SPON1: variants seen among roughly 807,000 people sequenced by gnomAD.
SPON1 encodes spondin-1.
A neutral mutation model predicts 111.7 loss-of-function variants in SPON1; 52 were observed. That is an observed-to-expected ratio of 0.47 (90% confidence interval 0.37 to 0.59). SPON1 has a LOEUF of 0.59. Ranked by LOEUF, SPON1 falls within the 20% of genes least tolerant of loss-of-function variation. SPON1 has a pLI of 0.00. For missense variants in SPON1, 957 were observed against 1,068.5 expected, an observed-to-expected ratio of 0.90 and a Z score of 1.46; for synonymous variants, 410 against 395.8, an observed-to-expected ratio of 1.04 and a Z score of -0.43.
chr11:14,045,592 A>T lies in SPON1; in HGVS notation c.479+3938A>T, dbSNP rs148110743. 4.9e-3 allele frequency among the ~76,000 whole-genome samples: 718 copies of T among 145,880 alleles called. 4 individuals carry two copies. Among genetic ancestry groups the T allele is most frequent in the African/African-American group, 0.013 (546 of 40,652 alleles). Reference sequence around the variant, plus strand: ...GACTCCATCTAAAAAATAATAATAAAAATTTAATTATATATTTAATTTTGT... The same window carrying T: ...GACTCCATCTAAAAAATAATAATAATAATTTAATTATATATTTAATTTTGT... On this transcript the variant is annotated intron_variant, in intron 3 of 15. Transcript: ENST00000576479.
At chr11:14,058,008 C>T (rs1420868769) in intron 3 of SPON1, among the ~76,000 whole-genome samples, 2 of 151,954 alleles carry the variant, frequency 1.3e-5, no homozygotes, top group African/African-American at 2.4e-5. Flanking sequence ...CAGAGTGAGA[C>T]CCTGTCTCAA....
At chr11:13,993,406 A>T (rs1269290427) in intron 2 of SPON1, among the ~76,000 whole-genome samples, 1 of 151,878 alleles carries the variant, frequency 6.6e-6, no homozygotes, top group East Asian at 1.9e-4. Context: ...GAACTCAGGG[A>T]CTCAATTGCC....
intron 6 of SPON1, among the ~76,000 whole-genome samples, chr11:14,164,694 G>C (rs1038602839): frequency 5.3e-5 from 8 of 152,182 alleles, no homozygotes; most frequent in Non-Finnish European, 1.2e-4. Flanking sequence ...TTTATGCAGA[G>C]TTGGCCATGC....
At chr11:14,178,990 A>G (rs1564924938) in intron 6 of SPON1, among the ~76,000 whole-genome samples, 1 of 152,208 alleles carries the variant, frequency 6.6e-6, no homozygotes. Flanking sequence ...TTTTAATTAC[A>G]TCTACAAGAG....
intron 1 of SPON1, among the ~76,000 whole-genome samples, chr11:13,966,032 C>G (rs1848013357): frequency 6.6e-6 from 1 of 152,148 alleles, no homozygotes; most frequent in Non-Finnish European, 1.5e-5. Context: ...TTTAGGTACT[C>G]TAGACCGGAA....
At chr11:14,164,799 G>A (rs1848008974) in intron 6 of SPON1, among the ~76,000 whole-genome samples, 2 of 152,284 alleles carry the variant, frequency 1.3e-5, no homozygotes, top group African/African-American at 4.8e-5. Context: ...GGGGAAGCTA[G>A]TGAGCCAGGA....
chr11:14,195,413 G>A (rs782504639), intron 6 of SPON1, among the ~76,000 whole-genome samples: 14 of 152,276 alleles, frequency 9.2e-5, no homozygotes, highest in Middle Eastern at 6.8e-3. Flanking sequence ...ATTGGAAAAG[G>A]CCTGGAATCA....
chr11:14,057,844 C>CAAAAAAAAAAAA lies in SPON1; in HGVS notation c.479+16194_479+16195insAAAAAAAAAAAA, dbSNP rs1277903384. Among the ~76,000 whole-genome samples, 130 of 125,504 alleles carry CAAAAAAAAAAAA rather than the reference C, an allele frequency of 1.0e-3. 2 individuals carry two copies. Among genetic ancestry groups the CAAAAAAAAAAAA allele is most frequent in the Non-Finnish European group, 1.3e-3 (78 of 59,412 alleles). The allele number at this position is 125,504 out of a possible 152,430, so 82.3% of individuals were successfully genotyped here. A position where few individuals can be genotyped will look rare whatever the true frequency, so the allele number is the denominator to read the frequency against. Reference sequence around the variant, plus strand: ...ACCTTGTCTCTACAAAAAAAAAAAACAAAACAAAAACTTAAAAATAAAATT... The same window carrying CAAAAAAAAAAAA: ...ACCTTGTCTCTACAAAAAAAAAAAACAAAAAAAAAAAAAAAACAAAAACTTAAAAATAAAATT... On this transcript the variant is annotated intron_variant, in intron 3 of 15. Coordinates refer to ENST00000576479, the MANE Select transcript of SPON1 (RefSeq NM_006108.4).
chr11:14,255,840 G>A, intron 9 of SPON1, 53 bp downstream of exon 9: 3 of 1,588,100 alleles, frequency 1.9e-6, no homozygotes, highest in Non-Finnish European at 2.6e-6. Flanking sequence ...GGAGTGCCAG[G>A]GAGATTGTAC....
At chr11:14,016,204 G>A (rs75326029) in intron 2 of SPON1, among the ~76,000 whole-genome samples, 1,661 of 152,316 alleles carry the variant, frequency 0.011, 35 homozygotes, top group African/African-American at 0.038. Flanking sequence ...CTTTCTCAGT[G>A]TTTACTATTT....
chr11:14,058,299 C>T (rs1309446718), intron 3 of SPON1, among the ~76,000 whole-genome samples: 2 of 152,078 alleles, frequency 1.3e-5, no homozygotes, highest in Admixed American at 6.6e-5. Flanking sequence ...CCATACCAGA[C>T]AGCAAGGATA....
At chr11:14,019,169 G>A (rs1261197146) in intron 2 of SPON1, among the ~76,000 whole-genome samples, 1 of 152,050 alleles carries the variant, frequency 6.6e-6, no homozygotes, top group Non-Finnish European at 1.5e-5. Context: ...TGGATGTATG[G>A]AGTCTGAGAC....
At chr11:14,164,601 T>G (rs7939700) in intron 6 of SPON1, among the ~76,000 whole-genome samples, 90,997 of 151,978 alleles carry the variant, frequency 0.6, 27,452 homozygotes, top group Admixed American at 0.66. Flanking sequence ...CCTAACTGGG[T>G]TAACCACCCA....
chr11:14,251,966 T>C (rs1280950887), intron 7 of SPON1, among the ~76,000 whole-genome samples: 3 of 152,238 alleles, frequency 2.0e-5, no homozygotes, highest in African/African-American at 7.2e-5. Flanking sequence ...TTTAGCAGTT[T>C]ATAAAGACTT....
chr11:14,045,737 G>T (rs1402585990), intron 3 of SPON1, among the ~76,000 whole-genome samples: 1 of 150,806 alleles, frequency 6.6e-6, no homozygotes, highest in African/African-American at 2.4e-5. Context: ...ACATATTTAT[G>T]TTTAAAATTG....
rs547675849 is a variant in SPON1, at chr11:14,106,446, A to G, written c.676+26425A>G. 5.9e-5 allele frequency among the ~76,000 whole-genome samples: 9 copies of G among 152,296 alleles called. No homozygotes were observed. The South Asian group carries it at 1.9e-3, about 32-fold the overall frequency. On this transcript the variant is annotated intron_variant, in intron 5 of 15. Transcript: ENST00000576479. The stretch of plus-strand genomic sequence containing the variant: ...CTTAAGTTTTCCAAACAACGAGTTG[A>G]AAAATATACCCTCAAGAATTGTTTA...
intron 7 of SPON1, among the ~76,000 whole-genome samples, chr11:14,251,419 A>G (rs1257954813): frequency 6.6e-6 from 1 of 152,224 alleles, no homozygotes; most frequent in Non-Finnish European, 1.5e-5. Context: ...TTTACTGAGA[A>G]TGATTTCCAC....
At chr11:14,005,036 T>C (rs1358904292) in intron 2 of SPON1, among the ~76,000 whole-genome samples, 2 of 152,310 alleles carry the variant, frequency 1.3e-5, no homozygotes, top group East Asian at 3.9e-4. Context: ...CCTTTTCATT[T>C]TGTTGTTTGT....
chr11:14,060,656 G>C (rs1229753953), intron 3 of SPON1, among the ~76,000 whole-genome samples: 1 of 152,160 alleles, frequency 6.6e-6, no homozygotes, highest in Admixed American at 6.5e-5. Context: ...CATCTGTCTG[G>C]GGTGGAATTA....
Sources: allele counts gnomAD v4.1 joint callset (sites outside exome capture counted in the v4.1 genomes callset), GRCh38; gene constraint gnomAD v4.1.1; transcripts MANE v1.5; gene names NCBI Gene and HGNC (gene_info 2026-07-23, HGNC 2026-07-21).